Variants in FOXP2 observed in about 807,000 individuals in gnomAD.
The protein encoded by FOXP2 is forkhead box protein P2.
A neutral mutation model predicts 115.8 loss-of-function variants in FOXP2; 12 were observed. That is an observed-to-expected ratio of 0.10 (90% CI 0.07 to 0.17). FOXP2 has a LOEUF of 0.17. FOXP2 is among the 10% of genes least tolerant of loss of function. FOXP2 has a pLI of 1.00. For synonymous variants in FOXP2, 328 were observed against 297.7 expected, an observed-to-expected ratio of 1.10 and a Z score of -1.05; for missense variants, 629 against 843.5, an observed-to-expected ratio of 0.75 and a Z score of 3.15.
At chr7:114,522,856 T>C (rs943389444) in intron 2 of FOXP2, among the ~76,000 whole-genome samples, 28 of 152,040 alleles carry the variant, frequency 1.8e-4, no homozygotes, top group African/African-American at 6.5e-4. Context: ...CTCCCTCAGG[T>C]GAGTTTGCCC....
rs1794907724 is a variant in FOXP2 at position 114,232,543 on chromosome 7, GTGGCTC to G, written c.-101-55475_-101-55470del. ...AATATTGTTTAGCAGGCCCGGCAGG[GTGGCTC>G]ATGCCTGTAATCCCAGCACTTTGGG... On this transcript the variant is annotated intron_variant, in intron 1 of 17. Coordinates refer to the FOXP2 transcript ENST00000634411. 2.6e-5 allele frequency among the ~76,000 whole-genome samples: 4 copies of G among 152,158 alleles called. No individual in the cohort carries two copies. The South Asian group carries it at 8.3e-4, about 32-fold the overall frequency.
At chr7:114,215,508 T>C (rs530593068) in intron 1 of FOXP2, among the ~76,000 whole-genome samples, 2 of 152,318 alleles carry the variant, frequency 1.3e-5, no homozygotes, top group African/African-American at 4.8e-5. Context: ...TGTAAGCCTA[T>C]AATTTTTTTG....
rs12540341 is a variant in FOXP2 at position 114,266,105 on chromosome 7, C to G, written c.-101-21914C>G. On this transcript the variant is annotated intron_variant, in intron 1 of 17. Transcript: ENST00000634411. ...AAACAAAAAACTGGACCTATCAGCC[C>G]AGATTTTACTGTCCATATCACTATT... Among the ~76,000 whole-genome samples, 598 of 152,152 alleles carry G rather than the reference C, an allele frequency of 3.9e-3. 26 individuals are homozygous for G. Among genetic ancestry groups the G allele is most frequent in the Admixed American group, 0.037 (559 of 15,278 alleles).
intron 1 of FOXP2, among the ~76,000 whole-genome samples, chr7:114,204,295 T>C (rs892791346): frequency 6.6e-6 from 1 of 152,228 alleles, no homozygotes; most frequent in African/African-American, 2.4e-5. Flanking sequence ...TTTACCTTTT[T>C]TTGAATGTTT....
intron 8 of FOXP2, 132 bp downstream of exon 8, chr7:114,644,921 G>C (rs1484338350): frequency 2.9e-6 from 2 of 688,144 alleles, no homozygotes; most frequent in Non-Finnish European, 5.0e-6. Flanking sequence ...AGATTTTTGT[G>C]GGTTCCAACA....
intron 1 of FOXP2, among the ~76,000 whole-genome samples, chr7:114,179,978 G>A (rs981851654): frequency 6.6e-6 from 1 of 151,842 alleles, no homozygotes; most frequent in East Asian, 1.9e-4. Flanking sequence ...CTACAAGGTG[G>A]GGGATTGAAT....
chr7:114,689,760 GGT>G lies in FOXP2; in HGVS notation c.2004-19_2004-18del. The stretch of plus-strand genomic sequence containing the variant: ...TTTGTTGCTTACTTAGTAAAATTTT[GGT>G]GTATCTACATGTTTTTCAGACATTC... On this transcript the variant is annotated intron_variant, in intron 16 of 16. Transcript: ENST00000350908. The G allele has an allele frequency of 1.9e-6, 3 of 1,612,398 alleles. No individual in the cohort carries two copies. The highest frequency in any genetic ancestry group is 2.5e-6 in the Non-Finnish European group (3 of 1,179,076).
At chr7:114,573,323 G>GAAA (rs1801412957) in intron 3 of FOXP2, among the ~76,000 whole-genome samples, 1 of 151,618 alleles carries the variant, frequency 6.6e-6, no homozygotes, top group Non-Finnish European at 1.5e-5. Context: ...ATACTAACCA[G>GAAA]AAAAAATACT....
rs1273164695 is a variant in FOXP2, at chr7:114,663,148, G to C, written c.1770-302G>C. Among the ~76,000 whole-genome samples, 4 of 152,028 alleles carry C rather than the reference G, an allele frequency of 2.6e-5. No individual in the cohort carries two copies. In the East Asian group the frequency reaches 7.7e-4, roughly 29 times the overall value. On this transcript the variant is annotated intron_variant, in intron 14 of 16. Transcript: ENST00000350908. ...TTAAAAATTTTGTATGAATGTTGCT[G>C]TTCTTGCAAATGAAACCTTCACACA... is the stretch of plus-strand genomic sequence containing the variant.
chr7:114,495,077 G>C (rs1441734385), intron 2 of FOXP2, among the ~76,000 whole-genome samples: 2 of 152,196 alleles, frequency 1.3e-5, no homozygotes, highest in Non-Finnish European at 2.9e-5. Context: ...GGGCATGAAA[G>C]TTTTCATTTC....
chr7:114,360,254 C>T (rs1270685453), intron 2 of FOXP2, among the ~76,000 whole-genome samples: 1 of 152,158 alleles, frequency 6.6e-6, no homozygotes, highest in African/African-American at 2.4e-5. Context: ...GTGAGGCCTC[C>T]CCAGCCATGT....
At chr7:114,311,287 G>C (rs910244337) in intron 2 of FOXP2, among the ~76,000 whole-genome samples, 11 of 152,122 alleles carry the variant, frequency 7.2e-5, no homozygotes, top group Admixed American at 7.2e-4. Context: ...CCAAGACCCA[G>C]ATTCTTTGGG....
At chr7:114,328,347 C>T (rs956948789) in intron 2 of FOXP2, among the ~76,000 whole-genome samples, 1 of 151,708 alleles carries the variant, frequency 6.6e-6, no homozygotes, top group Non-Finnish European at 1.5e-5. Flanking sequence ...CGCCATTCTC[C>T]TGCCTCAGCC....
At chr7:114,688,955 T>C (rs902742220) in intron 16 of FOXP2, among the ~76,000 whole-genome samples, 63 of 152,100 alleles carry the variant, frequency 4.1e-4, no homozygotes, top group African/African-American at 1.5e-3. Flanking sequence ...AGGTCTTCTC[T>C]TGCTTCAGGG....
chr7:114,346,105 T>G (rs966890380), intron 2 of FOXP2, among the ~76,000 whole-genome samples: 3 of 151,902 alleles, frequency 2.0e-5, no homozygotes, highest in Non-Finnish European at 2.9e-5. Context: ...TTATGCAATT[T>G]TAAGCAATTA....
intron 1 of FOXP2, among the ~76,000 whole-genome samples, chr7:114,259,901 G>T (rs1795706686): frequency 6.6e-6 from 1 of 151,962 alleles, no homozygotes; most frequent in Non-Finnish European, 1.5e-5. Flanking sequence ...TGTTGTTGTT[G>T]TTGTTTGAGA....
chr7:114,620,826 T>C (rs1372767958), intron 3 of FOXP2, among the ~76,000 whole-genome samples: 3 of 152,050 alleles, frequency 2.0e-5, no homozygotes, highest in Non-Finnish European at 2.9e-5. Context: ...CATAAAAAAA[T>C]TGTATTTCAT....
intron 3 of FOXP2, among the ~76,000 whole-genome samples, chr7:114,548,038 A>G (rs1317969806): frequency 6.6e-6 from 1 of 152,216 alleles, no homozygotes; most frequent in Non-Finnish European, 1.5e-5. Flanking sequence ...CAACTGCTCA[A>G]GGATGAGACA....
chr7:114,423,642 G>A (rs1382619962), intron 1 of FOXP2, among the ~76,000 whole-genome samples: 1 of 151,372 alleles, frequency 6.6e-6, no homozygotes, highest in Non-Finnish European at 1.5e-5. Context: ...AATTTAGCTT[G>A]GTATGTTTCG....
Sources: gnomAD v4.1 joint callset for allele counts (sites outside exome capture counted in the v4.1 genomes callset) on GRCh38, gnomAD v4.1.1 for gene constraint, MANE v1.5 for transcripts, NCBI Gene and HGNC (gene_info 2026-07-23, HGNC 2026-07-21) for gene names.